VSIG4: variants seen among roughly 807,000 people sequenced by gnomAD.
VSIG4 encodes the protein V-set and immunoglobulin domain containing 4, also known as V-set and immunoglobulin domain-containing protein 4.
VSIG4 carries 34 observed loss-of-function variants against 23.4 expected under a neutral mutation model. The ratio of observed to expected loss-of-function variants is 1.45; its 90% CI spans 1.10 to 1.93. The LOEUF is 1.93. Ranked by LOEUF, VSIG4 falls within the 30% of genes most tolerant of loss-of-function variation. The probability of loss-of-function intolerance (pLI) is 0.00; values close to 1 mark genes in which losing one functional copy is unlikely to be tolerated. For missense variants in VSIG4, 433 were observed against 310.8 expected (o/e 1.39, Z -2.96); for synonymous variants, 169 against 120.3 (o/e 1.41, Z -2.65).
Position 66,028,042 on chromosome X carries a change from A to G in VSIG4, c.757+8T>C, listed in dbSNP as rs201039111. 1,868 of 1,207,365 alleles carry G rather than the reference A, an allele frequency of 1.5e-3. 2 individuals are homozygous for G. Among genetic ancestry groups the G allele is most frequent in the South Asian group, 2.1e-3 (117 of 56,740 alleles). ...TCTACTACTTCCTCAGACTCTAGCA[A>G]AACTCACCTTTCAAGGGGTATGTCA... On this transcript the variant is annotated splice_region_variant and intron_variant, in intron 4 of 7. Transcript: ENST00000374737.
intron 5 of VSIG4, among the ~76,000 whole-genome samples, chrX:66,026,655 T>C (rs2085396105): frequency 8.9e-6 from 1 of 112,174 alleles, no homozygotes; most frequent in Non-Finnish European, 1.9e-5. Context: ...CATTTGGAAG[T>C]CCACTCTCTC....
chrX:66,028,820 C>T (rs2085427831), intron 3 of VSIG4, among the ~76,000 whole-genome samples: 1 of 110,429 alleles, frequency 9.1e-6, no homozygotes. Context: ...TGGTGGTTCC[C>T]TGAAAGACCT....
chrX:66,036,898 T>A (rs1333245037), intron 1 of VSIG4, among the ~76,000 whole-genome samples: 1 of 37,122 alleles, frequency 2.7e-5, no homozygotes, highest in East Asian at 1.2e-3. Context: ...TATATTTTAT[T>A]ATATAATATA....
Position 66,027,492 on chromosome X carries a change from G to A in VSIG4, c.792C>T (p.Thr264=), listed in dbSNP as rs1004360585. ...TSTVKQSWDW[T]TDMDGYLGET... ...CTCCAAGGTAGCCATCCATGTCAGT[G>A]GTCCAGTCCCAGGACTGCTTCACTG... The change falls in exon 5 of 8, where the codon ACC becomes ACT. Residue 264 remains threonine, a synonymous_variant. Coordinates refer to ENST00000374737, the MANE Select transcript of VSIG4 (RefSeq NM_007268.3). 13 of 1,204,067 alleles carry A rather than the reference G, an allele frequency of 1.1e-5. No individual in the cohort carries two copies. Among genetic ancestry groups the A allele is most frequent in the Non-Finnish European group, 1.5e-5 (13 of 891,008 alleles).
chrX:66,022,577 T>A, intron 7 of VSIG4, 77 bp from the exon 8 acceptor site: 1 of 1,168,047 alleles, frequency 8.6e-7, no homozygotes. Context: ...CTGCCTCAAT[T>A]CTTGCCAATT....
intron 3 of VSIG4, 39 bp from the exon 4 acceptor site, chrX:66,028,151 C>A (rs113286783): frequency 8.8e-6 from 10 of 1,141,540 alleles, no homozygotes; most frequent in Admixed American, 2.2e-5. Flanking sequence ...GACCTGGTAC[C>A]CTTTGGTGAA....
chrX:66,038,005 T>C (rs969509566), intron 1 of VSIG4, among the ~76,000 whole-genome samples: 1 of 110,298 alleles, frequency 9.1e-6, no homozygotes, highest in African/African-American at 3.3e-5. Flanking sequence ...CATATCTCTA[T>C]CCCATTCCCC....
At chrX:66,032,411 G>T (rs1387892177) in intron 3 of VSIG4, 57 bp downstream of exon 3, 1 of 1,158,052 alleles carries the variant, frequency 8.6e-7, no homozygotes, top group Non-Finnish European at 1.2e-6. Context: ...ACCTTTTGAG[G>T]TATCTTTGTT....
chrX:66,027,419 A>AAAAGAT, intron 5 of VSIG4, 30 bp downstream of exon 5: 1 of 1,158,725 alleles, frequency 8.6e-7, no homozygotes, highest in Non-Finnish European at 1.2e-6. Flanking sequence ...AGTCAAGAAG[A>AAAAGAT]AAAGATAGAA....
At chrX:66,034,730 G>C (rs2085514756) in intron 1 of VSIG4, among the ~76,000 whole-genome samples, 1 of 84,472 alleles carries the variant, frequency 1.2e-5, no homozygotes, top group Non-Finnish European at 2.1e-5. Context: ...ATGGGAGATT[G>C]CTCCTTGGCG....
Position 66,033,602 on chromosome X carries a change from T to A in VSIG4, c.284A>T (p.Asp95Val). Residue 95 changes from aspartate (D) to valine (V), a missense_variant, in exon 2 of 8, where the codon GAT (aspartate) becomes GTT (valine). Physicochemically the swap from Asp to Val is radical, Grantham distance 152. Coordinates refer to ENST00000374737, the MANE Select transcript of VSIG4 (RefSeq NM_007268.3). ...RLHVSHKVPGDVSLQLSTLEM... is the reference protein window; with the variant it reads ...RLHVSHKVPGVVSLQLSTLEM... ...CAGGGTGCTCAATTGGAGGGATACA[T>A]CTCCTGGAACCTTGTGGCTCACATG... 1 of 1,211,471 alleles carries A rather than the reference T, an allele frequency of 8.3e-7. No individual in the cohort carries two copies. The highest frequency in any genetic ancestry group is 3.0e-5 in the East Asian group (1 of 33,829).
At chrX:66,038,496 C>G (rs1161536733) in intron 1 of VSIG4, among the ~76,000 whole-genome samples, 1 of 110,569 alleles carries the variant, frequency 9.0e-6, no homozygotes, top group Non-Finnish European at 1.9e-5. Flanking sequence ...CACACACACA[C>G]ACACACACAC....
chrX:66,036,538 A>G (rs1489282311), intron 1 of VSIG4, among the ~76,000 whole-genome samples: 1 of 96,873 alleles, frequency 1.0e-5, no homozygotes, highest in Non-Finnish European at 2.0e-5. Context: ...TACTAAACCT[A>G]TCTGAACTTT....
chrX:66,024,920 G>A (rs1797371425), intron 6 of VSIG4, 105 bp downstream of exon 6: 11 of 536,411 alleles, frequency 2.1e-5, no homozygotes, highest in Middle Eastern at 3.6e-4. Context: ...TAGGCTGGGA[G>A]CTTCTTGAAG....
At chrX:66,025,199 A>G (rs964468347) in intron 5 of VSIG4, 70 bp from the exon 6 acceptor site, 5 of 730,044 alleles carry the variant, frequency 6.8e-6, no homozygotes, top group Non-Finnish European at 9.7e-6. Context: ...TCTAAGAAAC[A>G]GCCTAGACTA....
chrX:66,034,177 A>G (rs2085504980), intron 1 of VSIG4, among the ~76,000 whole-genome samples: 1 of 112,320 alleles, frequency 8.9e-6, no homozygotes, highest in African/African-American at 3.2e-5. Flanking sequence ...TGCTCTAGAT[A>G]TTCTATCAAA....
chrX:66,027,373 G>A, intron 5 of VSIG4, 76 bp downstream of exon 5: 1 of 867,862 alleles, frequency 1.2e-6, no homozygotes, highest in Non-Finnish European at 1.7e-6. Context: ...CTGTAGAACA[G>A]TGTGCATAAG....
In VSIG4 at chrX:66,032,665, T is replaced by C; in HGVS notation, c.497A>G (p.Gln166Arg). Residue 166 changes from glutamine (Q) to arginine (R), a missense_variant, in exon 3 of 8, where the codon CAG becomes CGG. By Grantham distance (43) the Gln-to-Arg change is conservative. Transcript: ENST00000374737. ...PQGMRISLQC[Q>R]ARGSPPISYI... Reference sequence around the variant, plus strand: ...ACTGATGGGAGGAGAACCCCGAGCCTGGCATTGAAGGCTAATCCTCATTCC... The same window carrying C: ...ACTGATGGGAGGAGAACCCCGAGCCCGGCATTGAAGGCTAATCCTCATTCC... 7.4e-6 allele frequency: 9 copies of C among 1,211,579 alleles called. No individual in the cohort carries two copies. Among genetic ancestry groups the C allele is most frequent in the Non-Finnish European group, 1.0e-5 (9 of 895,385 alleles).
At chrX:66,037,516 A>G (rs1434047870) in intron 1 of VSIG4, among the ~76,000 whole-genome samples, 1 of 66,105 alleles carries the variant, frequency 1.5e-5, no homozygotes, top group Non-Finnish European at 2.5e-5. Flanking sequence ...ATATAATAAT[A>G]ATATAATATA....
Sources: allele counts gnomAD v4.1 joint callset (sites outside exome capture counted in the v4.1 genomes callset), GRCh38; gene constraint gnomAD v4.1.1; transcripts MANE v1.5; gene names NCBI Gene and HGNC (gene_info 2026-07-23, HGNC 2026-07-21).